SNAP23: variants seen among roughly 807,000 people sequenced by gnomAD.
SNAP23 encodes the protein synaptosome associated protein 23, also known as synaptosomal-associated protein 23.
SNAP23 carries 11 observed loss-of-function variants against 29.0 expected under a neutral mutation model. The observed-to-expected ratio is 0.38, with a 90% confidence interval of 0.24 to 0.63. The LOEUF (loss-of-function observed/expected upper bound fraction) is 0.63, where lower values mean the gene tolerates loss of function less well. Ranked by LOEUF, SNAP23 falls within the 20% of genes least tolerant of loss-of-function variation. The pLI is 0.58. For synonymous variants in SNAP23, 60 were observed against 82.9 expected, an observed-to-expected ratio of 0.72 and a Z score of 1.50; for missense variants, 220 against 253.9, an observed-to-expected ratio of 0.87 and a Z score of 0.91.
intron 5 of SNAP23, among the ~76,000 whole-genome samples, chr15:42,519,124 A>T (rs2057422620): frequency 6.8e-6 from 1 of 147,484 alleles, no homozygotes; most frequent in African/African-American, 2.5e-5. Context: ...ATGCAGTCTC[A>T]GTTCACTGCA....
intron 5 of SNAP23, among the ~76,000 whole-genome samples, chr15:42,520,726 C>T (rs1288245265): frequency 6.6e-6 from 1 of 152,118 alleles, no homozygotes; most frequent in Non-Finnish European, 1.5e-5. Flanking sequence ...GATCTCCTGA[C>T]CTCGTGATCC....
upstream of SNAP23, among the ~76,000 whole-genome samples, chr15:42,492,005 G>T (rs1012014852): frequency 3.9e-5 from 6 of 151,988 alleles, no homozygotes; most frequent in African/African-American, 1.5e-4. Flanking sequence ...CCACCTTCCG[G>T]GTTCAAGCGA....
chr15:42,494,052 A>G (rs1031385131), upstream of SNAP23, among the ~76,000 whole-genome samples: 2 of 151,866 alleles, frequency 1.3e-5, no homozygotes, highest in African/African-American at 4.8e-5. Context: ...CCTTTATTCA[A>G]CCATTTTTTT....
chr15:42,526,376 TATG>T (rs2057502496), intron 5 of SNAP23, among the ~76,000 whole-genome samples: 1 of 152,204 alleles, frequency 6.6e-6, no homozygotes, highest in Non-Finnish European at 1.5e-5. Flanking sequence ...GAAACATAAT[TATG>T]ATAACTTAAA....
intron 6 of SNAP23, among the ~76,000 whole-genome samples, chr15:42,529,458 GTTTC>G (rs1051967069): frequency 1.3e-5 from 2 of 152,122 alleles, no homozygotes; most frequent in Admixed American, 6.5e-5. Context: ...CTGTTTCAGA[GTTTC>G]TTTCTTTTCT....
chr15:42,528,568 C>A (rs1054751935), intron 6 of SNAP23, 148 bp downstream of exon 6: 2 of 831,410 alleles, frequency 2.4e-6, no homozygotes, highest in Non-Finnish European at 3.7e-6. Flanking sequence ...TGCCCACTGA[C>A]AAAATGTGGG....
intron 5 of SNAP23, among the ~76,000 whole-genome samples, chr15:42,515,922 A>G (rs897580820): frequency 6.6e-6 from 1 of 152,162 alleles, no homozygotes; most frequent in African/African-American, 2.4e-5. Flanking sequence ...TTTGAGTGAT[A>G]AGAAGGATTT....
chr15:42,503,526 C>T (rs1188773055), intron 1 of SNAP23, among the ~76,000 whole-genome samples: 6 of 152,086 alleles, frequency 3.9e-5, no homozygotes, highest in Admixed American at 6.6e-5. Context: ...CATGCCACCA[C>T]GCCCAGCTAA....
At chr15:42,521,814 G>A (rs574516246) in intron 5 of SNAP23, 5 of 453,968 alleles carry the variant, frequency 1.1e-5, no homozygotes, top group Admixed American at 7.8e-5. Flanking sequence ...ATTTGTTCTT[G>A]ATGGGTGCTA....
At position 42,499,072 on chromosome 15, in the gene SNAP23, C is replaced by CT. The variant is rs35615383; in HGVS notation, c.-15+3374dup. On this transcript the variant is annotated intron_variant, in intron 1 of 7. Transcript: ENST00000249647. Reference sequence around the variant, plus strand: ...AAGCCCACTTAACTAAAGGTCACATCTTTTTTTTTTTTTTTGACAGAGTTT... The same window carrying CT: ...AAGCCCACTTAACTAAAGGTCACATCTTTTTTTTTTTTTTTTGACAGAGTTT... Among the ~76,000 whole-genome samples the CT allele has an allele frequency of 5.0e-3, 712 of 142,360 alleles. 12 individuals carry two copies. The highest frequency in any genetic ancestry group is 0.032 in the East Asian group (159 of 4,926). 93.4% of individuals were successfully genotyped at this position (142,360 alleles called of 152,430 possible).
Position 42,500,389 on chromosome 15 carries a change from CT to C in SNAP23, c.-15+4692del, listed in dbSNP as rs769547908. ...GACAAGGACTGCTCTTTTCTTTTCCCTTTTTTTTTTTTTTTTGAGACAGAGT... is the reference window on the plus strand; with the variant it reads ...GACAAGGACTGCTCTTTTCTTTTCCCTTTTTTTTTTTTTTTGAGACAGAGT... On this transcript the variant is annotated intron_variant, in intron 1 of 7. Transcript: ENST00000249647. Among the ~76,000 whole-genome samples, 886 of 138,534 alleles carry C rather than the reference CT, an allele frequency of 6.4e-3. 5 individuals are homozygous for C. Among genetic ancestry groups the C allele is most frequent in the African/African-American group, 0.016 (593 of 37,806 alleles). 90.9% of individuals were successfully genotyped at this position (138,534 alleles called of 152,430 possible).
chr15:42,511,798 T>C (rs781299181), intron 1 of SNAP23, 35 bp from the exon 2 acceptor site: 3 of 1,302,252 alleles, frequency 2.3e-6, no homozygotes, highest in Non-Finnish European at 2.2e-6. Context: ...CTTATTCTTA[T>C]ACAATATCCA....
intron 7 of SNAP23, 40 bp downstream of exon 7, chr15:42,529,859 G>C: frequency 6.2e-7 from 1 of 1,601,740 alleles, no homozygotes; most frequent in Non-Finnish European, 8.5e-7. Flanking sequence ...GAGACACCCA[G>C]TTCAGTGTTT....
chr15:42,497,914 A>G (rs921909615), intron 1 of SNAP23, among the ~76,000 whole-genome samples: 1 of 152,214 alleles, frequency 6.6e-6, no homozygotes. Flanking sequence ...TACCGGCCCT[A>G]TGCAAGTCCA....
At chr15:42,499,872 G>A (rs1463633559) in intron 1 of SNAP23, among the ~76,000 whole-genome samples, 2 of 152,170 alleles carry the variant, frequency 1.3e-5, no homozygotes, top group Non-Finnish European at 2.9e-5. Flanking sequence ...AGGGCCGGGC[G>A]GTGGTTCATG....
At chr15:42,504,155 C>A (rs1239608479) in intron 1 of SNAP23, among the ~76,000 whole-genome samples, 1 of 151,278 alleles carries the variant, frequency 6.6e-6, no homozygotes, top group Non-Finnish European at 1.5e-5. Context: ...CATAGTGAGA[C>A]CCTGCCTCTA....
Position 42,531,493 on chromosome 15 carries a change from T to C in SNAP23, c.*15T>C. On this transcript the variant is annotated 3_prime_UTR_variant, in exon 8 of 8. Transcript: ENST00000249647. ...TTGACAGCTAAAGCTACTGCTGTTC[T>C]TCTTTATCATTTATTCACTTCCGTA... 1 of 1,585,784 alleles carries C rather than the reference T, an allele frequency of 6.3e-7. No homozygotes were observed. The highest frequency in any genetic ancestry group is 8.6e-7 in the Non-Finnish European group (1 of 1,162,562).
At chr15:42,502,022 CTCTCT>C (rs2057274883) in intron 1 of SNAP23, among the ~76,000 whole-genome samples, 1 of 148,236 alleles carries the variant, frequency 6.7e-6, no homozygotes, top group African/African-American at 2.5e-5. Context: ...TGCTTATATT[CTCTCT>C]TTTTTTTTTT....
intron 5 of SNAP23, among the ~76,000 whole-genome samples, chr15:42,516,594 G>C (rs903216947): frequency 5.3e-5 from 8 of 152,140 alleles, no homozygotes; most frequent in African/African-American, 1.9e-4. Flanking sequence ...CTCCTCAAGT[G>C]CTGGGATTAC....
Sources: gnomAD v4.1 joint callset for allele counts (sites outside exome capture counted in the v4.1 genomes callset) on GRCh38, gnomAD v4.1.1 for gene constraint, MANE v1.5 for transcripts, NCBI Gene and HGNC (gene_info 2026-07-23, HGNC 2026-07-21) for gene names.